GTF2A1: variants seen among roughly 807,000 people sequenced by gnomAD.
The protein encoded by GTF2A1 is general transcription factor IIA subunit 1, also known as transcription initiation factor IIA subunit 1.
GTF2A1 carries 12 observed loss-of-function variants against 54.1 expected under a neutral mutation model. That is an observed-to-expected ratio of 0.22 (90% CI 0.14 to 0.36). The LOEUF (loss-of-function observed/expected upper bound fraction) is 0.36, where lower values mean the gene tolerates loss of function less well. GTF2A1 is among the 10% of genes least tolerant of loss of function. GTF2A1 has a pLI of 1.00. For missense variants in GTF2A1, 335 were observed against 442.2 expected (o/e 0.76, Z 2.17); for synonymous variants, 145 against 152.0 (o/e 0.95, Z 0.34).
rs554391602 is a variant in GTF2A1 at position 81,200,209 on chromosome 14, G to A, written c.402+1385C>T. Among the ~76,000 whole-genome samples, 11 of 152,274 alleles carry A rather than the reference G, an allele frequency of 7.2e-5. No homozygotes were observed. The South Asian group carries it at 2.1e-3, about 29-fold the overall frequency. ...TTGTGAGGCTGGTAATGTGTAGGAGGAAGTCATCTGTCTAGTGGGTAAGCC... is the reference window on the plus strand; with the variant it reads ...TTGTGAGGCTGGTAATGTGTAGGAGAAAGTCATCTGTCTAGTGGGTAAGCC... On this transcript the variant is annotated intron_variant, in intron 4 of 8. Transcript: ENST00000553612.
chr14:81,206,890 T>C (rs947557671), intron 2 of GTF2A1, among the ~76,000 whole-genome samples: 5 of 151,734 alleles, frequency 3.3e-5, no homozygotes, highest in Admixed American at 1.3e-4. Flanking sequence ...TGAGAAAAAA[T>C]CAGACTGTAC....
At chr14:81,214,734 C>G (rs1893449812) in intron 2 of GTF2A1, among the ~76,000 whole-genome samples, 1 of 151,300 alleles carries the variant, frequency 6.6e-6, no homozygotes, top group South Asian at 2.1e-4. Flanking sequence ...GAAATTATAA[C>G]AAATTTTTAA....
At chr14:81,192,342 T>C (rs544477600) in intron 7 of GTF2A1, among the ~76,000 whole-genome samples, 177 bp downstream of exon 7, 18 of 152,340 alleles carry the variant, frequency 1.2e-4, no homozygotes, top group Middle Eastern at 3.4e-3. Flanking sequence ...AAGATAAATA[T>C]AGCCAGAATA....
intron 2 of GTF2A1, among the ~76,000 whole-genome samples, chr14:81,208,703 G>A (rs1472508077): frequency 1.3e-5 from 2 of 152,202 alleles, no homozygotes; most frequent in Non-Finnish European, 2.9e-5. Context: ...CAAAGCCACG[G>A]GGCAGAGTTG....
chr14:81,184,827 G>A (rs115434528), intron 8 of GTF2A1, among the ~76,000 whole-genome samples: 1,770 of 152,146 alleles, frequency 0.012, 41 homozygotes, highest in African/African-American at 0.041. Flanking sequence ...TAAATGCAAC[G>A]TAATATTTGC....
At chr14:81,218,499 G>C (rs551269922) in intron 1 of GTF2A1, among the ~76,000 whole-genome samples, 1 of 151,996 alleles carries the variant, frequency 6.6e-6, no homozygotes, top group Non-Finnish European at 1.5e-5. Context: ...AAAGTATGTG[G>C]GCACATAGGA....
chr14:81,191,260 C>T (rs1157981147), intron 7 of GTF2A1, among the ~76,000 whole-genome samples: 1 of 152,102 alleles, frequency 6.6e-6, no homozygotes, highest in African/African-American at 2.4e-5. Context: ...AGTGATTTGG[C>T]ATTTTATTAT....
chr14:81,217,298 A>G (rs1189000901), intron 1 of GTF2A1, among the ~76,000 whole-genome samples: 1 of 152,252 alleles, frequency 6.6e-6, no homozygotes, highest in Non-Finnish European at 1.5e-5. Context: ...CAAAAAGTAT[A>G]AAATATTTTT....
intron 1 of GTF2A1, among the ~76,000 whole-genome samples, 191 bp downstream of exon 1, chr14:81,220,298 T>TC (rs1169730164): frequency 1.6e-5 from 2 of 125,850 alleles, no homozygotes; most frequent in African/African-American, 5.8e-5. Flanking sequence ...CCGCGAGCCC[T>TC]CGGCGCCCCC....
chr14:81,209,876 A>G, intron 2 of GTF2A1: 1 of 1,253,178 alleles, frequency 8.0e-7, no homozygotes, highest in Non-Finnish European at 1.0e-6. Flanking sequence ...TTACCACACA[A>G]AGTCTACCAT....
chr14:81,200,885 C>CAAAAAAAAAA (rs36025974), intron 4 of GTF2A1, among the ~76,000 whole-genome samples: 2 of 111,096 alleles, frequency 1.8e-5, no homozygotes, highest in Non-Finnish European at 3.5e-5. Flanking sequence ...ATGTTTTATC[C>CAAAAAAAAAA]AAAAAAAAAA....
chr14:81,221,137 A>G (rs1893641159), upstream of GTF2A1: 1 of 152,274 alleles, frequency 6.6e-6, no homozygotes, highest in African/African-American at 2.4e-5. Flanking sequence ...AAGTAGTGAA[A>G]TCGGACCTAC....
At chr14:81,193,471 CT>C (rs1892921946) in intron 6 of GTF2A1, among the ~76,000 whole-genome samples, 1 of 152,138 alleles carries the variant, frequency 6.6e-6, no homozygotes, top group African/African-American at 2.4e-5. Flanking sequence ...CCTGGGTCTA[CT>C]TTTGTCTAAA....
In GTF2A1 at chr14:81,192,508, T is replaced by C. The variant is rs761536701; in HGVS notation, c.933+11A>G. ...AAGTAGATTATTTTAAGTATGTTAC[T>C]AGAAACTTACTTCTTCCACCTGCCC... On this transcript the variant is annotated intron_variant, in intron 7 of 8. Transcript: ENST00000553612. 7 of 1,588,384 alleles carry C rather than the reference T, an allele frequency of 4.4e-6. No individual in the cohort carries two copies. The highest frequency in any genetic ancestry group is 4.5e-5 in the East Asian group (2 of 44,702).
intron 1 of GTF2A1, among the ~76,000 whole-genome samples, chr14:81,217,727 G>A (rs887353457): frequency 6.6e-6 from 1 of 152,112 alleles, no homozygotes; most frequent in Non-Finnish European, 1.5e-5. Context: ...AGGAGGGAGA[G>A]GGTGCAGTGA....
intron 8 of GTF2A1, among the ~76,000 whole-genome samples, chr14:81,183,749 A>G (rs2140146487): frequency 6.6e-6 from 1 of 152,336 alleles, no homozygotes; most frequent in South Asian, 2.1e-4. Context: ...ACTCTACCAT[A>G]TTATTAGCAT....
In GTF2A1 at chr14:81,220,933, C is replaced by T; in HGVS notation, c.-415G>A. The T allele has an allele frequency of 6.6e-6, 1 of 152,096 alleles. No homozygotes were observed. Among genetic ancestry groups the T allele is most frequent in the South Asian group, 1.7e-4 (1 of 5,944 alleles). The allele number at this position is 152,096 out of a possible 1,614,324, so 9.4% of individuals were successfully genotyped here. A position where few individuals can be genotyped will look rare whatever the true frequency, so the allele number is the denominator to read the frequency against. On this transcript the variant is annotated 5_prime_UTR_variant, in exon 1 of 9. It adds an upstream start codon to the 5' untranslated region. Coordinates refer to ENST00000553612, the MANE Select transcript of GTF2A1 (RefSeq NM_015859.4). ...AGCCAACAAGCTGCGCGAGCCACCA[C>T]CGCCGCCGCCGCCGCCGCCGAGAGA...
At position 81,202,698 on chromosome 14, in the gene GTF2A1, T is replaced by C. The variant is rs763484261; in HGVS notation, c.338-1040A>G. ...TTACTTAAGCGTAAAAGGAATTACA[T>C]GTTTGATTCCGCAAATTTCAGAGAA... On this transcript the variant is annotated intron_variant, in intron 3 of 8. Transcript: ENST00000553612. The C allele has an allele frequency of 3.5e-5, 18 of 517,242 alleles. 2 individuals carry two copies. Among genetic ancestry groups the C allele is most frequent in the South Asian group, 2.5e-4 (18 of 70,854 alleles). The allele number at this position is 517,242 out of a possible 1,614,324, so 32.0% of individuals were successfully genotyped here.
At chr14:81,193,235 C>A (rs997547103) in intron 6 of GTF2A1, among the ~76,000 whole-genome samples, 20 of 148,738 alleles carry the variant, frequency 1.3e-4, no homozygotes, top group African/African-American at 4.5e-4. Flanking sequence ...GGTGTGATCT[C>A]GGCTCACTGC....
Sources: allele counts gnomAD v4.1 joint callset (sites outside exome capture counted in the v4.1 genomes callset), GRCh38; gene constraint gnomAD v4.1.1; transcripts MANE v1.5; gene names NCBI Gene and HGNC (gene_info 2026-07-23, HGNC 2026-07-21).